SEC14L1: variants seen among roughly 807,000 people sequenced by gnomAD.
SEC14L1 encodes the protein SEC14 like lipid binding 1, also known as SEC14-like protein 1.
In SEC14L1, 48 loss-of-function variants were observed where a neutral mutation model predicts 85.3. That is an observed-to-expected ratio of 0.56 (90% CI 0.45 to 0.72). The LOEUF (loss-of-function observed/expected upper bound fraction) is 0.72. Ranked by LOEUF, SEC14L1 falls within the 30% of genes least tolerant of loss-of-function variation. The probability of loss-of-function intolerance (pLI) is 0.00; values close to 1 mark genes in which losing one functional copy is unlikely to be tolerated. For missense variants in SEC14L1, 682 were observed against 921.4 expected, an observed-to-expected ratio of 0.74 and a Z score of 3.36; for synonymous variants, 391 against 355.5, an observed-to-expected ratio of 1.10 and a Z score of -1.12.
In SEC14L1 at chr17:77,213,416, C is replaced by T; in HGVS notation, c.1966C>T (p.Leu656Phe). The part of the protein sequence containing the change: ...ASSLPRVDDV[L>F]ASLQVSSHKC... Reference sequence around the variant, plus strand: ...CAGCCTTCCCCGGGTGGACGACGTGCTTGCGTCCCTGCAGGTCTCTTCGCA... The same window carrying T: ...CAGCCTTCCCCGGGTGGACGACGTGTTTGCGTCCCTGCAGGTCTCTTCGCA... Residue 656 changes from leucine (L) to phenylalanine (F), a missense_variant, in exon 16 of 17, where the codon CTT (leucine) becomes TTT (phenylalanine). Physicochemically the swap from Leu to Phe is conservative, Grantham distance 22. Around this residue, in one of 3 missense-constraint regions of SEC14L1, gnomAD observed 420 missense variants for 619.5 expected, o/e 0.68. Coordinates refer to ENST00000436233, the MANE Select transcript of SEC14L1 (RefSeq NM_001143998.2). This position sits in a 1 kb window ranked among gnomAD's most constrained non-coding sequence, Gnocchi z 7.1. 1 of 1,613,378 alleles carries T rather than the reference C, an allele frequency of 6.2e-7. No individual in the cohort carries two copies. Among genetic ancestry groups the T allele is most frequent in the Non-Finnish European group, 8.5e-7 (1 of 1,180,024 alleles).
At chr17:77,115,487 G>C (rs1220948707) in intron 3 of SEC14L1, among the ~76,000 whole-genome samples, 1 of 152,152 alleles carries the variant, frequency 6.6e-6, no homozygotes, top group Non-Finnish European at 1.5e-5. Context: ...TGGTGGCAAA[G>C]TTTGGTCAAG....
intron 3 of SEC14L1, among the ~76,000 whole-genome samples, chr17:77,107,632 G>A (rs933117059): frequency 1.3e-5 from 2 of 152,130 alleles, no homozygotes; most frequent in Non-Finnish European, 2.9e-5. Context: ...CACAACGGTG[G>A]ATGGCAGAAT....
chr17:77,100,510 C>T (rs995915184), intron 3 of SEC14L1, among the ~76,000 whole-genome samples: 2 of 128,916 alleles, frequency 1.6e-5, no homozygotes, highest in African/African-American at 5.9e-5. Flanking sequence ...GATCTCGGCT[C>T]ACTGAAACCT....
chr17:77,114,868 C>A (rs1037033495), intron 3 of SEC14L1, among the ~76,000 whole-genome samples: 1 of 148,618 alleles, frequency 6.7e-6, no homozygotes, highest in Non-Finnish European at 1.5e-5. Flanking sequence ...AGGAGGCAGG[C>A]ACACACTTGA....
Position 77,092,686 on chromosome 17 carries a change from C to T in SEC14L1, c.-239-558C>T, listed in dbSNP as rs532054100. ...GGTTAGAGCCGGGCGTGGTGGCTCA[C>T]ACCTGTAATCCCAGCACTTTGGGAG... On this transcript the variant is annotated intron_variant, in intron 2 of 19. Transcript: ENST00000392476. 5.3e-5 allele frequency among the ~76,000 whole-genome samples: 8 copies of T among 152,010 alleles called. 1 individual carries two copies. The highest frequency in any genetic ancestry group is 1.4e-4 in the African/African-American group (6 of 41,466).
At chr17:77,137,705 T>G (rs527926137), upstream of SEC14L1, among the ~76,000 whole-genome samples, 7 of 152,260 alleles carry the variant, frequency 4.6e-5, no homozygotes, top group Non-Finnish European at 1.0e-4. Flanking sequence ...ATCCAGGAGA[T>G]TCTTGTTCAG....
intron 3 of SEC14L1, among the ~76,000 whole-genome samples, chr17:77,162,202 C>A (rs1001663001): frequency 6.6e-6 from 1 of 152,160 alleles, no homozygotes; most frequent in Non-Finnish European, 1.5e-5. Context: ...GGAGGCCAAC[C>A]GAGGCCCCAC....
chr17:77,185,376 A>T, intron 3 of SEC14L1: 1 of 985,470 alleles, frequency 1.0e-6, no homozygotes, highest in Non-Finnish European at 1.2e-6. Context: ...CTGGTTGGGC[A>T]TGCCAAGGTA....
chr17:77,215,743 A>G lies in SEC14L1; in HGVS notation c.*1720A>G, dbSNP rs1043706043. ...GGGTTCGTAGGTAGGGCTAGTAGGT[A>G]GGGTTAGTAGGTAGGGCTAGTAGGT... On this transcript the variant is annotated 3_prime_UTR_variant, in exon 17 of 17. Transcript: ENST00000436233. 2.2e-5 allele frequency: 22 copies of G among 986,702 alleles called. No individual in the cohort carries two copies. The African/African-American group carries it at 3.8e-4, about 17-fold the overall frequency. The allele number at this position is 986,702 out of a possible 1,614,324, so 61.1% of individuals were successfully genotyped here.
chr17:77,187,490 A>T (rs536318944), intron 3 of SEC14L1, among the ~76,000 whole-genome samples: 6 of 150,982 alleles, frequency 4.0e-5, no homozygotes, highest in Non-Finnish European at 7.4e-5. Context: ...TGATTTTCCC[A>T]CCTCAGCCTC....
At chr17:77,099,948 T>C (rs1394777398) in intron 3 of SEC14L1, among the ~76,000 whole-genome samples, 1 of 152,176 alleles carries the variant, frequency 6.6e-6, no homozygotes, top group Non-Finnish European at 1.5e-5. Flanking sequence ...AACAAAAACA[T>C]GTCTTTTTGT....
intron 3 of SEC14L1, among the ~76,000 whole-genome samples, chr17:77,110,332 A>G (rs1307653671): frequency 2.0e-5 from 3 of 152,208 alleles, no homozygotes; most frequent in Non-Finnish European, 4.4e-5. Flanking sequence ...CTCCCTTTAG[A>G]GAGCCTGGAT....
intron 8 of SEC14L1, among the ~76,000 whole-genome samples, chr17:77,198,476 C>T (rs1437019668): frequency 6.6e-6 from 1 of 152,146 alleles, no homozygotes; most frequent in African/African-American, 2.4e-5. Flanking sequence ...GAAAACCGAA[C>T]ATAGTCCTTT....
In SEC14L1 at chr17:77,180,231, GTA is replaced by G. The variant is rs1438850564; in HGVS notation, c.64-10571_64-10570del. On this transcript the variant is annotated intron_variant, in intron 3 of 16. Transcript: ENST00000436233. ...CGATTCTCCTGCCTCAACCTCTCGAGTAGCTGGGACTACAGGCACCTGCCACC... is the reference window on the plus strand; with the variant it reads ...CGATTCTCCTGCCTCAACCTCTCGAGGCTGGGACTACAGGCACCTGCCACC... Among the ~76,000 whole-genome samples the G allele has an allele frequency of 2.7e-5, 4 of 150,854 alleles. No homozygotes were observed. In the East Asian group the frequency reaches 7.9e-4, roughly 30 times the overall value.
intron 3 of SEC14L1, among the ~76,000 whole-genome samples, chr17:77,173,560 G>T (rs1483599628): frequency 1.3e-5 from 2 of 152,076 alleles, no homozygotes; most frequent in African/African-American, 4.8e-5. Context: ...GTCAGCACAG[G>T]GCATAGCGTA....
chr17:77,188,214 A>T (rs1467644593), intron 3 of SEC14L1, among the ~76,000 whole-genome samples: 1 of 152,182 alleles, frequency 6.6e-6, no homozygotes, highest in Non-Finnish European at 1.5e-5. Context: ...CACAGTCAGG[A>T]TGCTGCCGTG....
At chr17:77,151,028 G>T (rs763897737) in intron 3 of SEC14L1, among the ~76,000 whole-genome samples, 1 of 152,110 alleles carries the variant, frequency 6.6e-6, no homozygotes, top group Non-Finnish European at 1.5e-5. Flanking sequence ...TTTAGTTTCT[G>T]ATGGTTAGGT....
intron 3 of SEC14L1, among the ~76,000 whole-genome samples, chr17:77,163,085 C>T (rs1974139202): frequency 6.6e-6 from 1 of 152,158 alleles, no homozygotes; most frequent in African/African-American, 2.4e-5. Flanking sequence ...ACTCTTGTTA[C>T]TTCCTGGAGG....
upstream of SEC14L1, among the ~76,000 whole-genome samples, chr17:77,137,364 G>T (rs1181365894): frequency 2.0e-5 from 3 of 152,188 alleles, no homozygotes; most frequent in Admixed American, 6.5e-5. Flanking sequence ...AGGGGGAACA[G>T]GCAGGTCACA....
Sources: gnomAD v4.1 joint callset for allele counts (sites outside exome capture counted in the v4.1 genomes callset) on GRCh38, gnomAD v4.1.1 for gene constraint, gnomAD v4.1.1 regional missense constraint, Gnocchi (gnomAD v3.1) non-coding constraint, MANE v1.5 for transcripts, NCBI Gene and HGNC (gene_info 2026-07-23, HGNC 2026-07-21) for gene names.